The following ADGRV1 variants were observed in gnomAD, a reference collection of about 807,000 sequenced individuals.
ADGRV1 encodes the protein adhesion G protein-coupled receptor V1.
ADGRV1 carries 359 observed loss-of-function variants against 596.2 expected under a neutral mutation model. The observed-to-expected ratio is 0.60, with a 90% CI of 0.55 to 0.66. The LOEUF (loss-of-function observed/expected upper bound fraction) is 0.66. Ranked by LOEUF, ADGRV1 falls within the 30% of genes least tolerant of loss-of-function variation. The pLI, the probability that ADGRV1 is intolerant of heterozygous loss-of-function variation, is 0.00. For synonymous variants in ADGRV1, 2,681 were observed against 2,679.2 expected (o/e 1.00, Z -0.02); for missense variants, 7,274 against 7,575.6 (o/e 0.96, Z 1.48).
chr5:90,851,134 T>TGTGTGTGTGTGTGAGAGAGAGAGA lies in ADGRV1; in HGVS notation c.17205-2149_17205-2148insTGTGTGTGTGTGAGAGAGAGAGAG, dbSNP rs757909771. Among the ~76,000 whole-genome samples, 178 of 81,492 alleles carry TGTGTGTGTGTGTGAGAGAGAGAGA rather than the reference T, an allele frequency of 2.2e-3. 3 individuals carry two copies. Among genetic ancestry groups the TGTGTGTGTGTGTGAGAGAGAGAGA allele is most frequent in the Middle Eastern group, 7.5e-3 (1 of 134 alleles). The allele number at this position is 81,492 out of a possible 152,430, so 53.5% of individuals were successfully genotyped here. A position where few individuals can be genotyped will look rare whatever the true frequency, so the allele number is the denominator to read the frequency against. ...GTGTGTGTGTGTGTGTGTGTGTGTG[T>TGTGTGTGTGTGTGAGAGAGAGAGA]GAGAGAGAGAGAGAGAGAGAGAGAG... On this transcript the variant is annotated intron_variant, in intron 79 of 89. Coordinates refer to ENST00000405460, the MANE Select transcript of ADGRV1 (RefSeq NM_032119.4).
chr5:90,829,108 GA>G lies in ADGRV1; in HGVS notation c.16535del (p.Lys5512ArgfsTer4), dbSNP rs778283191. The G allele has an allele frequency of 6.2e-7, 1 of 1,612,254 alleles. No homozygotes were observed. Among genetic ancestry groups the G allele is most frequent in the East Asian group, 2.2e-5 (1 of 44,864 alleles). ...VGSRLAVAHK[K>X]ATLISLQVAR... The stretch of plus-strand genomic sequence containing the variant: ...GTTCTCGGCTGGCAGTGGCTCACAA[GA>G]AGGCCACTTTAATCAGTCTGCAGGT... On this transcript the variant is annotated frameshift_variant, in exon 77 of 90. Transcript: ENST00000405460. LOFTEE classifies it high-confidence loss of function.
chr5:90,615,193 T>G (rs1763216270), intron 2 of ADGRV1, among the ~76,000 whole-genome samples, 174 bp downstream of exon 2: 1 of 151,946 alleles, frequency 6.6e-6, no homozygotes, highest in Admixed American at 6.6e-5. Flanking sequence ...TATAGAGTGC[T>G]CCAACATAAT....
At chr5:90,675,122 A>G in intron 23 of ADGRV1, 121 bp from the exon 24 acceptor site, 1 of 671,094 alleles carries the variant, frequency 1.5e-6, no homozygotes, top group Non-Finnish European at 2.5e-6. Flanking sequence ...ATATTTTCTA[A>G]ATAAAGTCCC....
intron 87 of ADGRV1, among the ~76,000 whole-genome samples, chr5:91,136,179 G>A (rs1286415284): frequency 1.3e-5 from 2 of 152,128 alleles, no homozygotes; most frequent in African/African-American, 4.8e-5. Context: ...ACAAAATTCT[G>A]TTCTCTATTC....
intron 85 of ADGRV1, among the ~76,000 whole-genome samples, chr5:91,051,966 C>T (rs568591204): frequency 4.6e-5 from 7 of 152,152 alleles, no homozygotes; most frequent in Non-Finnish European, 7.4e-5. Context: ...TTACGATATT[C>T]ATTTTAGCTA....
chr5:90,637,820 G>A lies in ADGRV1; in HGVS notation c.2112G>A (p.Pro704=), dbSNP rs182990046. The part of the protein sequence containing the change: ...PSGFNSKAVT[P]DDIGPFNGSV... ...GCTTTAATTCAAAAGCAGTGACCCC[G>A]GATGATATAGGCCCCTTTAATGGCT... The change falls in exon 11 of 90, where the codon CCG becomes CCA. Residue 704 remains proline (P), a synonymous_variant. Transcript: ENST00000405460. The A allele has an allele frequency of 2.9e-4, 464 of 1,613,634 alleles. 1 individual carries two copies. In the Middle Eastern group the frequency reaches 3.0e-3, roughly 10 times the overall value.
At chr5:91,085,068 G>A (rs945289791) in intron 86 of ADGRV1, among the ~76,000 whole-genome samples, 10 of 152,062 alleles carry the variant, frequency 6.6e-5, no homozygotes, top group Admixed American at 2.0e-4. Flanking sequence ...ATCACACACC[G>A]GGGCCTGTCA....
At chr5:91,037,684 G>A (rs1017094687) in intron 85 of ADGRV1, among the ~76,000 whole-genome samples, 8 of 152,154 alleles carry the variant, frequency 5.3e-5, no homozygotes. Context: ...AAGAAATGAA[G>A]ATTTATGAAA....
In ADGRV1 at chr5:90,627,763, G is replaced by A. The variant is rs1764964212; in HGVS notation, c.1225G>A (p.Asp409Asn). The change falls in exon 7 of 90, where the codon GAT becomes AAT. Residue 409 changes from aspartate (D) to asparagine (N), a missense_variant. Around this residue, in one of 5 missense-constraint regions of ADGRV1, gnomAD observed 1,715 missense variants for 1,708.8 expected, o/e 1.00. Transcript: ENST00000405460. Reference protein sequence around the residue: ...LFERTVIIDEDRISRYEEITV... With the variant: ...LFERTVIIDENRISRYEEITV... ...TGAAAGGACAGTTATAATTGATGAA[G>A]ATAGAATATCAAGGTATGATTTATT... 3 of 1,512,720 alleles carry A rather than the reference G, an allele frequency of 2.0e-6. No individual in the cohort carries two copies. Among genetic ancestry groups the A allele is most frequent in the Admixed American group, 2.1e-5 (1 of 46,748 alleles). The allele number at this position is 1,512,720 out of a possible 1,614,324, so 93.7% of individuals were successfully genotyped here. A position where few individuals can be genotyped will look rare whatever the true frequency, so the allele number is the denominator to read the frequency against.
Position 90,789,741 on chromosome 5 carries a change from G to A in ADGRV1, c.13933G>A (p.Ala4645Thr), listed in dbSNP as rs768504241. ...TGACCCAAATGGAGTTGTTCAGTTT[G>A]CTCCTGAAACTTTGTCTAAGAAGAC... ...FGDPNGVVQF[A>T]PETLSKKTYS... Residue 4645 changes from alanine to threonine, a missense_variant, in exon 69 of 90, where the codon GCT (alanine) becomes ACT (threonine). By Grantham distance (58) the Ala-to-Thr change is moderately conservative. This residue lies in a region of ADGRV1 where 3,643 missense variants were observed against 3,809.2 expected (regional missense o/e 0.96). Coordinates refer to ENST00000405460, the MANE Select transcript of ADGRV1 (RefSeq NM_032119.4). 1.3e-5 allele frequency: 20 copies of A among 1,559,606 alleles called. 1 individual carries two copies. The African/African-American group carries it at 1.5e-4, about 12-fold the overall frequency.
intron 73 of ADGRV1, 100 bp from the exon 74 acceptor site, chr5:90,810,133 C>A: frequency 1.1e-6 from 1 of 931,872 alleles, no homozygotes; most frequent in Non-Finnish European, 1.6e-6. Flanking sequence ...AAGTTGCTGC[C>A]CTCATGAGCA....
intron 34 of ADGRV1, among the ~76,000 whole-genome samples, chr5:90,702,312 G>A (rs981148002): frequency 6.6e-6 from 1 of 151,770 alleles, no homozygotes; most frequent in African/African-American, 2.4e-5. Context: ...AAATTCCTGT[G>A]CTTTTAAAAG....
At chr5:90,687,464 A>C (rs1745830153) in intron 29 of ADGRV1, among the ~76,000 whole-genome samples, 1 of 152,172 alleles carries the variant, frequency 6.6e-6, no homozygotes, top group South Asian at 2.1e-4. Context: ...CAAAAACTGG[A>C]AGCATTCCCT....
intron 50 of ADGRV1, among the ~76,000 whole-genome samples, chr5:90,736,914 T>G (rs768460550): frequency 1.3e-5 from 2 of 151,686 alleles, no homozygotes; most frequent in Non-Finnish European, 3.0e-5. Context: ...AAAAAACAAT[T>G]CTTAGTTTTA....
At chr5:91,118,264 A>G (rs1793020646) in intron 87 of ADGRV1, among the ~76,000 whole-genome samples, 1 of 152,108 alleles carries the variant, frequency 6.6e-6, no homozygotes, top group African/African-American at 2.4e-5. Flanking sequence ...ATAGGAGAAT[A>G]AAGGGAAATA....
chr5:91,131,551 G>A (rs1300209839), intron 87 of ADGRV1, among the ~76,000 whole-genome samples: 1 of 151,660 alleles, frequency 6.6e-6, no homozygotes, highest in Non-Finnish European at 1.5e-5. Flanking sequence ...TCTGGGTTCA[G>A]GGGATTCTCC....
intron 84 of ADGRV1, among the ~76,000 whole-genome samples, chr5:90,981,945 C>T (rs1178901181): frequency 7.0e-6 from 1 of 143,400 alleles, no homozygotes; most frequent in African/African-American, 2.7e-5. Flanking sequence ...CAGTGGCACT[C>T]ATTGATTCAC....
At chr5:90,978,647 G>C (rs186237421) in intron 84 of ADGRV1, among the ~76,000 whole-genome samples, 1 of 152,210 alleles carries the variant, frequency 6.6e-6, no homozygotes, top group Admixed American at 6.5e-5. Context: ...ACCCTGATTT[G>C]ATTATTACAG....
chr5:90,802,139 A>G (rs1012887890), intron 70 of ADGRV1, among the ~76,000 whole-genome samples: 1 of 152,172 alleles, frequency 6.6e-6, no homozygotes, highest in Admixed American at 6.5e-5. Flanking sequence ...CTGTGTGGCT[A>G]CTGTCATTGG....
Sources: gnomAD v4.1 joint callset for allele counts (sites outside exome capture counted in the v4.1 genomes callset) on GRCh38, gnomAD v4.1.1 for gene constraint, gnomAD v4.1.1 regional missense constraint, MANE v1.5 for transcripts, NCBI Gene and HGNC (gene_info 2026-07-23, HGNC 2026-07-21) for gene names.